Variants in LARP4B observed in about 807,000 individuals in gnomAD.
LARP4B encodes the protein La ribonucleoprotein 4B, also known as la-related protein 4B.
Under a neutral mutation model 89.8 loss-of-function variants are expected in LARP4B, and 12 were observed. That is an observed-to-expected ratio of 0.13 (90% CI 0.09 to 0.22). The LOEUF (loss-of-function observed/expected upper bound fraction) is 0.22. Among genes scored for constraint, LARP4B ranks in the 10% least tolerant of loss-of-function variants. The pLI is 1.00. For synonymous variants in LARP4B, 367 were observed against 363.3 expected, an observed-to-expected ratio of 1.01 and a Z score of -0.12; for missense variants, 757 against 947.7, an observed-to-expected ratio of 0.80 and a Z score of 2.64.
intron 5 of LARP4B, among the ~76,000 whole-genome samples, chr10:860,623 C>CCATA (rs746232125): frequency 6.6e-6 from 1 of 152,150 alleles, no homozygotes; most frequent in African/African-American, 2.4e-5. Context: ...TGTGATCTAT[C>CCATA]CATATCATGA....
Position 930,621 on chromosome 10 carries a change from G to A in LARP4B, c.-40+807C>T, listed in dbSNP as rs151127982. ...CACGTTCCCAAGCGCACCCTGAGAG[G>A]CAGGTGCAGCAGCTTTCCGATGGCT... On this transcript the variant is annotated intron_variant, in intron 1 of 17. Transcript: ENST00000316157. Among the ~76,000 whole-genome samples, 13 of 152,336 alleles carry A rather than the reference G, an allele frequency of 8.5e-5. No individual in the cohort carries two copies. The East Asian group carries it at 2.5e-3, about 29-fold the overall frequency.
chr10:893,215 C>T (rs1836088501), intron 1 of LARP4B, among the ~76,000 whole-genome samples: 1 of 151,956 alleles, frequency 6.6e-6, no homozygotes, highest in South Asian at 2.1e-4. Context: ...CTGTGCCTGG[C>T]CACACCAAGA....
intron 1 of LARP4B, among the ~76,000 whole-genome samples, chr10:912,356 T>C (rs1045227912): frequency 6.6e-6 from 1 of 151,850 alleles, no homozygotes; most frequent in Non-Finnish European, 1.5e-5. Flanking sequence ...TTTAAGAACA[T>C]TTACAAATTT....
chr10:914,599 A>G (rs1369410679), intron 1 of LARP4B, among the ~76,000 whole-genome samples: 1 of 152,098 alleles, frequency 6.6e-6, no homozygotes, highest in Non-Finnish European at 1.5e-5. Flanking sequence ...GTTCAAGACC[A>G]ACCTGACCAA....
chr10:857,736 T>C (rs1291350370), intron 5 of LARP4B, among the ~76,000 whole-genome samples: 1 of 152,230 alleles, frequency 6.6e-6, no homozygotes, highest in Non-Finnish European at 1.5e-5. Flanking sequence ...TCTTTGCTGA[T>C]TGAGCTCATT....
At chr10:879,845 C>T (rs979233608) in intron 3 of LARP4B, among the ~76,000 whole-genome samples, 2 of 152,298 alleles carry the variant, frequency 1.3e-5, no homozygotes, top group Admixed American at 6.5e-5. Flanking sequence ...ACTATCTCGG[C>T]TCAATGCAAC....
chr10:845,885 A>T (rs565818367), intron 5 of LARP4B, among the ~76,000 whole-genome samples: 1 of 152,214 alleles, frequency 6.6e-6, no homozygotes, highest in African/African-American at 2.4e-5. Flanking sequence ...CACAAGAGAC[A>T]CTTGTATCTT....
At position 926,948 on chromosome 10, in the gene LARP4B, G is replaced by A. The variant is rs1241392711; in HGVS notation, c.-40+4480C>T. ...CCAGCTACTCAGGAGGCTGAGGCAG[G>A]GGAATCGCTTAAACCCTGGAGGCAG... On this transcript the variant is annotated intron_variant, in intron 1 of 17. Transcript: ENST00000316157. Among the ~76,000 whole-genome samples the A allele has an allele frequency of 2.0e-5, 3 of 152,144 alleles. No homozygotes were observed. In the East Asian group the frequency reaches 5.8e-4, roughly 29 times the overall value.
At chr10:813,850 G>A (rs2131590941) in intron 17 of LARP4B, among the ~76,000 whole-genome samples, 1 of 148,166 alleles carries the variant, frequency 6.7e-6, no homozygotes, top group East Asian at 2.0e-4. Context: ...CGCACAGGCT[G>A]GAGTGCAGCA....
chr10:944,438 T>C, the LARP4B span, among the ~76,000 whole-genome samples: 28 of 152,200 alleles, frequency 1.8e-4, no homozygotes, highest in East Asian at 7.7e-4. Flanking sequence ...TGGGTTTGCA[T>C]GTCAACCCCC....
chr10:836,867 C>T (rs185743286), intron 7 of LARP4B, among the ~76,000 whole-genome samples: 1 of 152,336 alleles, frequency 6.6e-6, no homozygotes, highest in African/African-American at 2.4e-5. Context: ...TCATCCCTCA[C>T]CTAACGGTCG....
At chr10:827,118 A>G (rs2131644066) in intron 11 of LARP4B, among the ~76,000 whole-genome samples, 1 of 152,244 alleles carries the variant, frequency 6.6e-6, no homozygotes. Context: ...TACTAAAAAT[A>G]CAAAAAAATT....
intron 1 of LARP4B, among the ~76,000 whole-genome samples, chr10:901,942 A>G (rs956585584): frequency 8.5e-5 from 13 of 152,240 alleles, no homozygotes; most frequent in Non-Finnish European, 1.6e-4. Context: ...AAGTACCTAC[A>G]TGAGAAGACC....
the LARP4B span, among the ~76,000 whole-genome samples, chr10:940,689 C>T: frequency 6.6e-6 from 1 of 152,230 alleles, no homozygotes; most frequent in African/African-American, 2.4e-5. Context: ...AAGAAAGAGA[C>T]AAAATGGAAC....
chr10:831,297 T>TTA (rs57239843), intron 8 of LARP4B, among the ~76,000 whole-genome samples: 18,217 of 146,948 alleles, frequency 0.12, 1,238 homozygotes, highest in Non-Finnish European at 0.16. Context: ...TTTTTTTTTT[T>TTA]AAAGGCAATT....
chr10:973,036 C>T, the LARP4B span: 999 of 376,198 alleles, frequency 2.7e-3, 8 homozygotes, highest in African/African-American at 0.019. Context: ...TGGGAGAAGT[C>T]GAGGGGCAAG....
At chr10:821,235 C>T (rs566951405) in intron 13 of LARP4B, among the ~76,000 whole-genome samples, 56 of 152,296 alleles carry the variant, frequency 3.7e-4, no homozygotes, top group Middle Eastern at 3.4e-3. Flanking sequence ...AGAATTTTCC[C>T]GGCGCAGATT....
intron 8 of LARP4B, 51 bp from the exon 9 acceptor site, chr10:831,028 G>T (rs1419957490): frequency 2.6e-6 from 2 of 762,668 alleles, no homozygotes; most frequent in South Asian, 1.7e-5. Flanking sequence ...GTCAGTTTTT[G>T]TCCTCACCAA....
At chr10:957,231 C>G in the LARP4B span, among the ~76,000 whole-genome samples, 1 of 151,916 alleles carries the variant, frequency 6.6e-6, no homozygotes, top group African/African-American at 2.4e-5. Flanking sequence ...GGCACAATCT[C>G]AGCTCACTGC....
Sources: allele counts gnomAD v4.1 joint callset (sites outside exome capture counted in the v4.1 genomes callset), GRCh38; gene constraint gnomAD v4.1.1; transcripts MANE v1.5; gene names NCBI Gene and HGNC (gene_info 2026-07-23, HGNC 2026-07-21).